The following TFB2M variants were observed in gnomAD, a reference collection of about 807,000 sequenced individuals.
The protein encoded by TFB2M is transcription factor B2, mitochondrial.
Under a neutral mutation model 41.3 loss-of-function variants are expected in TFB2M, and 44 were observed. The observed-to-expected ratio is 1.07, with a 90% CI of 0.84 to 1.37. The LOEUF (loss-of-function observed/expected upper bound fraction) is 1.37, where lower values mean the gene tolerates loss of function less well. Ranked by LOEUF, TFB2M falls within the 40% of genes most tolerant of loss-of-function variation. The pLI is 0.00. For synonymous variants in TFB2M, 188 were observed against 176.8 expected, an observed-to-expected ratio of 1.06 and a Z score of -0.50; for missense variants, 496 against 490.2, an observed-to-expected ratio of 1.01 and a Z score of -0.11.
rs915649849 is a variant in TFB2M, at chr1:246,540,932, A to C, written c.*99T>G. 8.3e-7 allele frequency: 1 copy of C among 1,204,318 alleles called. No homozygotes were observed. Among genetic ancestry groups the C allele is most frequent in the African/African-American group, 1.5e-5 (1 of 65,254 alleles). The allele number at this position is 1,204,318 out of a possible 1,614,324, so 74.6% of individuals were successfully genotyped here. A position where few individuals can be genotyped will look rare whatever the true frequency, so the allele number is the denominator to read the frequency against. Reference sequence around the variant, plus strand: ...TGCCTGGCTTGTGCAAGACAAGAACAGTTACCTTCTGCTGAAAGGATGTGA... The same window carrying C: ...TGCCTGGCTTGTGCAAGACAAGAACCGTTACCTTCTGCTGAAAGGATGTGA... On this transcript the variant is annotated 3_prime_UTR_variant, in exon 8 of 8. Coordinates refer to ENST00000366514, the MANE Select transcript of TFB2M (RefSeq NM_022366.3).
chr1:246,560,387 G>A (rs1243621704), intron 2 of TFB2M, among the ~76,000 whole-genome samples: 1 of 152,184 alleles, frequency 6.6e-6, no homozygotes, highest in Non-Finnish European at 1.5e-5. Flanking sequence ...GCCAGGTGTG[G>A]GGGCGTGTGC....
chr1:246,562,752 C>T (rs1433685768), intron 2 of TFB2M, among the ~76,000 whole-genome samples: 4 of 152,018 alleles, frequency 2.6e-5, no homozygotes, highest in Admixed American at 1.3e-4. Context: ...CTCTGAGTCC[C>T]GGGTTCAAGC....
At chr1:246,547,132 C>T (rs560514432) in intron 6 of TFB2M, among the ~76,000 whole-genome samples, 13 of 152,102 alleles carry the variant, frequency 8.5e-5, no homozygotes, top group Admixed American at 3.3e-4. Flanking sequence ...TACAGGCGCA[C>T]GCCACCACAC....
At chr1:246,542,898 CTTT>C (rs35984926) in intron 7 of TFB2M, among the ~76,000 whole-genome samples, 27,873 of 111,476 alleles carry the variant, frequency 0.25, 3,397 homozygotes, top group Middle Eastern at 0.43. Flanking sequence ...TCTATTACCA[CTTT>C]TTTTTTTTTT....
chr1:246,551,551 C>T (rs1237613052), intron 4 of TFB2M, among the ~76,000 whole-genome samples: 1 of 152,150 alleles, frequency 6.6e-6, no homozygotes, highest in Non-Finnish European at 1.5e-5. Context: ...CTGTGAATAG[C>T]CACAGCACTC....
Position 246,566,066 on chromosome 1 carries a change from T to C in TFB2M, c.73A>G (p.Ile25Val). 6.2e-7 allele frequency: 1 copy of C among 1,613,792 alleles called. No individual in the cohort carries two copies. The highest frequency in any genetic ancestry group is 1.1e-5 in the South Asian group (1 of 91,078). Residue 25 changes from isoleucine to valine, a missense_variant, in exon 1 of 8, where the codon ATT (isoleucine) becomes GTT (valine). Transcript: ENST00000366514. ...CGCGTCGCCGCTTCAGACCCTAAAATGCAAAAGCGACCAGCGCCCGCCAAG... is the reference window on the plus strand; with the variant it reads ...CGCGTCGCCGCTTCAGACCCTAAAACGCAAAAGCGACCAGCGCCCGCCAAG... ...SALAGAGRFCILGSEAATRKH... is the reference protein window; with the variant it reads ...SALAGAGRFCVLGSEAATRKH...
chr1:246,552,494 C>G (rs1659212571), intron 4 of TFB2M, among the ~76,000 whole-genome samples: 2 of 151,676 alleles, frequency 1.3e-5, no homozygotes. Flanking sequence ...CACTTGAAGA[C>G]AGGAGTTCAA....
chr1:246,548,605 C>T lies in TFB2M; in HGVS notation c.798G>A (p.Glu266=). 2.5e-6 allele frequency: 4 copies of T among 1,612,612 alleles called. No individual in the cohort carries two copies. Among genetic ancestry groups the T allele is most frequent in the Non-Finnish European group, 3.4e-6 (4 of 1,179,542 alleles). ...TGTATATATCAAATGATGACCAAGGCTCCTGGGGAAGAAAAACAAAGCAAA... is the reference window on the plus strand; with the variant it reads ...TGTATATATCAAATGATGACCAAGGTTCCTGGGGAAGAAAAACAAAGCAAA... ...LACEIKVLHM[E]PWSSFDIYTR... Residue 266 remains glutamate, a splice_region_variant and synonymous_variant, in exon 6 of 8, where the codon GAG becomes GAA. Coordinates refer to ENST00000366514, the MANE Select transcript of TFB2M (RefSeq NM_022366.3).
At chr1:246,546,983 A>ACACACACACACACACACACACACAC (rs764498048) in intron 6 of TFB2M, among the ~76,000 whole-genome samples, 10 of 127,176 alleles carry the variant, frequency 7.9e-5, no homozygotes, top group African/African-American at 2.9e-4. Context: ...ACACACACAC[A>ACACACACACACACACACACACACAC]TTTTTTTTTT....
chr1:246,564,519 G>A (rs1374016741), intron 1 of TFB2M, 85 bp from the exon 2 acceptor site: 12 of 1,233,884 alleles, frequency 9.7e-6, no homozygotes, highest in Non-Finnish European at 1.4e-5. Context: ...TGTTTCACAC[G>A]TTATTACCTG....
Position 246,541,222 on chromosome 1 carries a change from T to G in TFB2M, c.1020-20A>C, listed in dbSNP as rs1233368711. 1.2e-6 allele frequency: 2 copies of G among 1,606,998 alleles called. No individual in the cohort carries two copies. The highest frequency in any genetic ancestry group is 1.3e-5 in the African/African-American group (1 of 74,732). The stretch of plus-strand genomic sequence containing the variant: ...AATGAACTGCAAAAGAAATACAAAG[T>G]AAATGTACTTAATTCTTTCTCATGC... On this transcript the variant is annotated intron_variant, in intron 7 of 7. Transcript: ENST00000366514.
Position 246,566,019 on chromosome 1 carries a change from G to T in TFB2M, c.120C>A (p.Asn40Lys), listed in dbSNP as rs540587720. 1.2e-6 allele frequency: 2 copies of T among 1,614,194 alleles called. No individual in the cohort carries two copies. The highest frequency in any genetic ancestry group is 2.2e-5 in the South Asian group (2 of 91,086). Residue 40 changes from asparagine (N) to lysine (K), a missense_variant, in exon 1 of 8, where the codon AAC (asparagine) becomes AAA (lysine). Asn to Lys is a moderately conservative substitution (Grantham distance 94). Coordinates refer to ENST00000366514, the MANE Select transcript of TFB2M (RefSeq NM_022366.3). ...GAGAGGAGTCAGAGAGCCCACAGTGGTTCCTCGCCGGCAAATGCTTTCGCG... is the reference window on the plus strand; with the variant it reads ...GAGAGGAGTCAGAGAGCCCACAGTGTTTCCTCGCCGGCAAATGCTTTCGCG... ...AATRKHLPAR[N>K]HCGLSDSSPQ...
chr1:246,559,495 G>T (rs148584395), intron 2 of TFB2M, among the ~76,000 whole-genome samples: 1 of 152,180 alleles, frequency 6.6e-6, no homozygotes, highest in Non-Finnish European at 1.5e-5. Flanking sequence ...GTTGCAGAGA[G>T]CTGAGATTGC....
At chr1:246,549,060 G>A (rs908713913) in intron 5 of TFB2M, among the ~76,000 whole-genome samples, 1 of 152,186 alleles carries the variant, frequency 6.6e-6, no homozygotes, top group Non-Finnish European at 1.5e-5. Flanking sequence ...TGTCGACCAG[G>A]TGCTGTGGTT....
chr1:246,551,085 G>A (rs1178343370), intron 5 of TFB2M, 128 bp downstream of exon 5: 8 of 672,080 alleles, frequency 1.2e-5, no homozygotes, highest in Non-Finnish European at 2.1e-5. Context: ...TAAGGTGAGA[G>A]GATCACTTGA....
rs562615616 is a variant in TFB2M, at chr1:246,542,236, G to A, written c.1020-1034C>T. Among the ~76,000 whole-genome samples the A allele has an allele frequency of 1.3e-4, 20 of 150,340 alleles. 1 individual carries two copies. In the South Asian group the frequency reaches 4.2e-3, roughly 31 times the overall value. ...TATAACGAACACGCCTCATTATGAG[G>A]TATTATATATATAAGGTATATTATA... On this transcript the variant is annotated intron_variant, in intron 7 of 7. Coordinates refer to ENST00000366514, the MANE Select transcript of TFB2M (RefSeq NM_022366.3).
intron 7 of TFB2M, 74 bp downstream of exon 7, chr1:246,544,447 A>G (rs1658943663): frequency 7.4e-7 from 1 of 1,349,328 alleles, no homozygotes; most frequent in Non-Finnish European, 1.0e-6. Flanking sequence ...AAGATATAAA[A>G]ATAGATCTCT....
At chr1:246,548,724 G>T in intron 5 of TFB2M, 117 bp from the exon 6 acceptor site, 1 of 847,462 alleles carries the variant, frequency 1.2e-6, no homozygotes, top group Non-Finnish European at 1.8e-6. Flanking sequence ...AGTCTAATTG[G>T]ATTTAAAAGA....
chr1:246,556,150 G>A (rs1659315728), intron 4 of TFB2M, among the ~76,000 whole-genome samples: 1 of 152,136 alleles, frequency 6.6e-6, no homozygotes. Context: ...CTATAACATT[G>A]ATGAACCTTG....
Sources: gnomAD v4.1 joint callset for allele counts (sites outside exome capture counted in the v4.1 genomes callset) on GRCh38, gnomAD v4.1.1 for gene constraint, MANE v1.5 for transcripts, NCBI Gene and HGNC (gene_info 2026-07-23, HGNC 2026-07-21) for gene names.